CSMD3: variants seen among roughly 807,000 people sequenced by gnomAD.
The protein encoded by CSMD3 is CUB and Sushi multiple domains 3.
Under a neutral mutation model 435.2 loss-of-function variants are expected in CSMD3, and 177 were observed. That is an observed-to-expected ratio of 0.41 (90% CI 0.36 to 0.46). The LOEUF is 0.46. Among genes scored for constraint, CSMD3 ranks in the 20% least tolerant of loss-of-function variants. CSMD3 has a pLI of 0.34. For synonymous variants in CSMD3, 1,656 were observed against 1,520.5 expected (o/e 1.09, Z -2.07); for missense variants, 4,265 against 4,504.6 (o/e 0.95, Z 1.52).
chr8:112,565,957 A>G (rs1456804473), intron 24 of CSMD3, among the ~76,000 whole-genome samples: 1 of 152,020 alleles, frequency 6.6e-6, no homozygotes, highest in Admixed American at 6.6e-5. Context: ...TGTAACAAAA[A>G]TAAAAAAAAA....
intron 11 of CSMD3, among the ~76,000 whole-genome samples, chr8:112,849,986 G>T (rs1023068725): frequency 1.3e-5 from 2 of 151,984 alleles, no homozygotes; most frequent in Admixed American, 6.6e-5. Flanking sequence ...TTCTCTCTCT[G>T]ACTCTATTTC....
At chr8:112,937,922 T>G (rs997783067) in intron 9 of CSMD3, among the ~76,000 whole-genome samples, 1 of 152,102 alleles carries the variant, frequency 6.6e-6, no homozygotes, top group Non-Finnish European at 1.5e-5. Flanking sequence ...GAATAAATAC[T>G]GAGCAGAAAG....
At chr8:112,967,478 T>C (rs543694016) in intron 7 of CSMD3, among the ~76,000 whole-genome samples, 1 of 151,978 alleles carries the variant, frequency 6.6e-6, no homozygotes, top group African/African-American at 2.4e-5. Flanking sequence ...AAACTGAAGC[T>C]TTTTTTAACT....
chr8:113,433,372 C>T (rs1288599518), intron 1 of CSMD3, among the ~76,000 whole-genome samples: 2 of 152,160 alleles, frequency 1.3e-5, no homozygotes, highest in Non-Finnish European at 2.9e-5. Flanking sequence ...AAGCTCCGGA[C>T]ATGGCCACCT....
Position 113,378,437 on chromosome 8 carries a change from TA to T in CSMD3, c.178+58239del, listed in dbSNP as rs1419820342. ...GTAAATATTATATAAGTAAACATTT[TA>T]ATTATATATTGTGGTAAGTTATATA... On this transcript the variant is annotated intron_variant, in intron 1 of 70. Transcript: ENST00000297405. 5.6e-3 allele frequency among the ~76,000 whole-genome samples: 860 copies of T among 152,324 alleles called. 12 individuals carry two copies. Among genetic ancestry groups the T allele is most frequent in the African/African-American group, 0.02 (825 of 41,574 alleles).
chr8:113,005,584 T>C (rs1470184769), intron 6 of CSMD3, among the ~76,000 whole-genome samples: 1 of 151,858 alleles, frequency 6.6e-6, no homozygotes, highest in African/African-American at 2.4e-5. Flanking sequence ...AGAAAGGAAA[T>C]CACTCAAGAT....
intron 13 of CSMD3, among the ~76,000 whole-genome samples, chr8:112,708,647 CTT>C (rs34676109): frequency 1.2e-4 from 13 of 110,482 alleles, no homozygotes; most frequent in East Asian, 2.7e-4. Flanking sequence ...GGTAATGCTT[CTT>C]TTTTTTTTTT....
At chr8:112,503,412 T>C (rs1822184810) in intron 30 of CSMD3, among the ~76,000 whole-genome samples, 1 of 152,248 alleles carries the variant, frequency 6.6e-6, no homozygotes, top group Non-Finnish European at 1.5e-5. Context: ...AGTTATCGTC[T>C]ACGTTGTTCC....
chr8:113,255,081 C>T (rs2093368269), intron 3 of CSMD3, among the ~76,000 whole-genome samples: 1 of 152,112 alleles, frequency 6.6e-6, no homozygotes, highest in African/African-American at 2.4e-5. Context: ...CACATACGTT[C>T]ACGCATTTAA....
At chr8:112,921,117 A>G (rs1329825833) in intron 10 of CSMD3, among the ~76,000 whole-genome samples, 2 of 151,620 alleles carry the variant, frequency 1.3e-5, no homozygotes, top group South Asian at 2.1e-4. Flanking sequence ...CAGATAATAT[A>G]AGATATATAT....
chr8:112,686,049 T>A (rs1016750539), intron 14 of CSMD3, among the ~76,000 whole-genome samples: 2 of 152,152 alleles, frequency 1.3e-5, no homozygotes, highest in Admixed American at 6.6e-5. Flanking sequence ...TGAAAAAATA[T>A]ACAGAAGTTC....
At chr8:112,423,088 A>T (rs556158964) in intron 32 of CSMD3, among the ~76,000 whole-genome samples, 4 of 152,332 alleles carry the variant, frequency 2.6e-5, no homozygotes, top group African/African-American at 9.6e-5. Flanking sequence ...CTAGCAGACA[A>T]ATGGTCTTAT....
At chr8:113,368,647 T>C (rs2094328374) in intron 1 of CSMD3, among the ~76,000 whole-genome samples, 1 of 152,120 alleles carries the variant, frequency 6.6e-6, no homozygotes, top group Non-Finnish European at 1.5e-5. Flanking sequence ...AGTTATAAGG[T>C]TGAGCAGCAA....
rs749077911 is a variant in CSMD3 at position 112,314,027 on chromosome 8, A to G, written c.7575T>C (p.Leu2525=). The G allele has an allele frequency of 1.2e-6, 2 of 1,610,094 alleles. No homozygotes were observed. Among genetic ancestry groups the G allele is most frequent in the South Asian group, 2.2e-5 (2 of 90,984 alleles). ...YDGPNIQSPV[L]ISLSGDYSSA... Reference sequence around the variant, plus strand: ...ATGAATAATCCCCACTGAGGGAAATAAGCACTGGACTTTGAATATTTGGTC... The same window carrying G: ...ATGAATAATCCCCACTGAGGGAAATGAGCACTGGACTTTGAATATTTGGTC... Residue 2525 remains leucine, a synonymous_variant, in exon 49 of 71, where the codon CTT becomes CTC. Coordinates refer to ENST00000297405, the MANE Select transcript of CSMD3 (RefSeq NM_198123.2).
intron 13 of CSMD3, among the ~76,000 whole-genome samples, chr8:112,742,718 A>G (rs2077339899): frequency 6.6e-6 from 1 of 151,978 alleles, no homozygotes; most frequent in African/African-American, 2.4e-5. Context: ...CCATAGCTGT[A>G]CCTGATCATA....
In CSMD3 at chr8:113,194,484, T is replaced by C. The variant is rs1588248455; in HGVS notation, c.515-20568A>G. On this transcript the variant is annotated intron_variant, in intron 3 of 70. Transcript: ENST00000297405. Reference sequence around the variant, plus strand: ...AAACTATGATGGTAGATATATATTGTACATTTGTCAAAAGCTGGAGAATGT... The same window carrying C: ...AAACTATGATGGTAGATATATATTGCACATTTGTCAAAAGCTGGAGAATGT... Among the ~76,000 whole-genome samples the C allele has an allele frequency of 4.0e-5, 6 of 151,464 alleles. 1 individual carries two copies. In the Admixed American group the frequency reaches 4.0e-4, roughly 10 times the overall value.
intron 13 of CSMD3, among the ~76,000 whole-genome samples, chr8:112,723,201 T>C (rs1037576491): frequency 6.6e-6 from 1 of 152,138 alleles, no homozygotes; most frequent in Admixed American, 6.6e-5. Flanking sequence ...GAAAAGCCAA[T>C]GTTGATATTA....
At chr8:112,276,646 C>T (rs533990641) in intron 59 of CSMD3, among the ~76,000 whole-genome samples, 85 of 152,180 alleles carry the variant, frequency 5.6e-4, no homozygotes, top group Non-Finnish European at 1.1e-3. Flanking sequence ...CTAGCCATGG[C>T]TAAAGGGGTC....
chr8:112,294,547 G>T (rs1428150882), intron 54 of CSMD3, among the ~76,000 whole-genome samples: 1 of 152,074 alleles, frequency 6.6e-6, no homozygotes, highest in African/African-American at 2.4e-5. Context: ...GGGATTCTGA[G>T]ATGTACTAGA....
Sources: allele counts gnomAD v4.1 joint callset (sites outside exome capture counted in the v4.1 genomes callset), GRCh38; gene constraint gnomAD v4.1.1; transcripts MANE v1.5; gene names NCBI Gene and HGNC (gene_info 2026-07-23, HGNC 2026-07-21).